Variants in PTPRT observed in about 807,000 individuals in gnomAD.
PTPRT encodes the protein protein tyrosine phosphatase receptor type T.
PTPRT carries 56 observed loss-of-function variants against 176.8 expected under a neutral mutation model. The ratio of observed to expected loss-of-function variants is 0.32; its 90% CI spans 0.26 to 0.40. The LOEUF (loss-of-function observed/expected upper bound fraction) is 0.40, where lower values mean the gene tolerates loss of function less well. PTPRT is among the 10% of genes least tolerant of loss of function. PTPRT has a pLI of 1.00. For synonymous variants in PTPRT, 783 were observed against 739.0 expected, an observed-to-expected ratio of 1.06 and a Z score of -0.96; for missense variants, 1,540 against 1,908.2, an observed-to-expected ratio of 0.81 and a Z score of 3.60.
intron 17 of PTPRT, among the ~76,000 whole-genome samples, chr20:42,154,873 G>T (rs560544342): frequency 1.3e-5 from 2 of 152,164 alleles, no homozygotes; most frequent in African/African-American, 4.8e-5. Flanking sequence ...GGGGAAGCAG[G>T]CTGGGGAGGA....
At chr20:42,963,706 G>C (rs201221069) in intron 1 of PTPRT, among the ~76,000 whole-genome samples, 1 of 151,900 alleles carries the variant, frequency 6.6e-6, no homozygotes, top group East Asian at 1.9e-4. Context: ...CTTATATAAG[G>C]GTAGGTCAAA....
chr20:43,020,527 C>A (rs1368008773), intron 1 of PTPRT, among the ~76,000 whole-genome samples: 3 of 151,912 alleles, frequency 2.0e-5, no homozygotes, highest in East Asian at 1.9e-4. Flanking sequence ...TAAGAATATT[C>A]CCATAATTAA....
chr20:42,476,073 GAAA>G (rs2071283588), intron 7 of PTPRT, among the ~76,000 whole-genome samples: 1 of 152,138 alleles, frequency 6.6e-6, no homozygotes, highest in Middle Eastern at 3.2e-3. Context: ...CTATAAAGTG[GAAA>G]TTATTACACT....
At chr20:42,036,155 C>T in the PTPRT span, among the ~76,000 whole-genome samples, 1 of 152,150 alleles carries the variant, frequency 6.6e-6, no homozygotes. Context: ...ACTCCCATCC[C>T]TCAGTAATTG....
intron 7 of PTPRT, among the ~76,000 whole-genome samples, chr20:42,554,088 C>CA (rs1030905342): frequency 2.6e-5 from 4 of 151,196 alleles, no homozygotes; most frequent in African/African-American, 7.3e-5. Flanking sequence ...ATTTTCAGAC[C>CA]AAAAAAAACG....
At chr20:42,738,985 C>T (rs1445372309) in intron 6 of PTPRT, among the ~76,000 whole-genome samples, 11 of 152,048 alleles carry the variant, frequency 7.2e-5, no homozygotes. Flanking sequence ...GGGAGGATCG[C>T]TGAGCCTGGG....
intron 1 of PTPRT, among the ~76,000 whole-genome samples, chr20:42,962,520 T>C (rs1057474469): frequency 1.3e-5 from 2 of 152,110 alleles, no homozygotes; most frequent in Non-Finnish European, 2.9e-5. Context: ...CTGAATAACA[T>C]TTTTCCAAGC....
chr20:42,104,989 C>G (rs1396532681), intron 24 of PTPRT, among the ~76,000 whole-genome samples: 1 of 152,172 alleles, frequency 6.6e-6, no homozygotes, highest in African/African-American at 2.4e-5. Flanking sequence ...AGCAGGCGCT[C>G]TTGGTGTCCA....
chr20:42,440,668 G>A (rs147824195), intron 9 of PTPRT, among the ~76,000 whole-genome samples: 4,406 of 151,938 alleles, frequency 0.029, 188 homozygotes, highest in African/African-American at 0.091. Flanking sequence ...TAGTAGAGAC[G>A]GGGTTTCACC....
chr20:42,350,235 T>TGTTTTTTG lies in PTPRT; in HGVS notation c.1865+392_1865+393insCAAAAAAC, dbSNP rs1568799613. ...TCTTGTTTTTTTTTTTTTTTTTTTT[T>TGTTTTTTG]TTTTTTTTTTTGAGACAGGGTCTCA... On this transcript the variant is annotated intron_variant, in intron 11 of 30. Transcript: ENST00000373187. Among the ~76,000 whole-genome samples the TGTTTTTTG allele has an allele frequency of 1.6e-3, 230 of 145,406 alleles. 1 individual carries two copies. Among genetic ancestry groups the TGTTTTTTG allele is most frequent in the African/African-American group, 5.6e-3 (219 of 39,288 alleles).
At chr20:42,190,397 G>T (rs963689669) in intron 16 of PTPRT, among the ~76,000 whole-genome samples, 1 of 152,064 alleles carries the variant, frequency 6.6e-6, no homozygotes, top group African/African-American at 2.4e-5. Flanking sequence ...AACTATTAAT[G>T]GGCTTTAGCA....
chr20:42,484,209 T>C lies in PTPRT; in HGVS notation c.1154-11647A>G, dbSNP rs139853682. On this transcript the variant is annotated intron_variant, in intron 7 of 30. Coordinates refer to ENST00000373187, the MANE Select transcript of PTPRT (RefSeq NM_007050.6). Reference sequence around the variant, plus strand: ...CAGTGCCCTTGGTGTTTTGGTAATTTTTTTTTCCCACAGATCCTAAGCCAA... The same window carrying C: ...CAGTGCCCTTGGTGTTTTGGTAATTCTTTTTTCCCACAGATCCTAAGCCAA... 7.1e-4 allele frequency among the ~76,000 whole-genome samples: 108 copies of C among 152,340 alleles called. 1 individual carries two copies. Among genetic ancestry groups the C allele is most frequent in the African/African-American group, 2.4e-3 (99 of 41,580 alleles).
chr20:42,264,410 T>C (rs1031064218), intron 13 of PTPRT, among the ~76,000 whole-genome samples: 3 of 152,196 alleles, frequency 2.0e-5, no homozygotes, highest in Non-Finnish European at 4.4e-5. Flanking sequence ...TTAAGGACAG[T>C]ATCCTAATGC....
At chr20:42,894,784 T>G (rs1286045705) in intron 1 of PTPRT, among the ~76,000 whole-genome samples, 1 of 152,204 alleles carries the variant, frequency 6.6e-6, no homozygotes, top group African/African-American at 2.4e-5. Flanking sequence ...AGGATGCCAA[T>G]CTGCACTTCT....
intron 1 of PTPRT, among the ~76,000 whole-genome samples, chr20:43,129,343 G>A (rs1294883052): frequency 3.3e-5 from 5 of 152,158 alleles, no homozygotes; most frequent in Non-Finnish European, 7.4e-5. Flanking sequence ...GACAAGAGTC[G>A]AATTGACAGG....
At chr20:42,961,150 TA>T (rs1350328115) in intron 1 of PTPRT, among the ~76,000 whole-genome samples, 1 of 151,986 alleles carries the variant, frequency 6.6e-6, no homozygotes, top group East Asian at 1.9e-4. Context: ...GTAATTAAAA[TA>T]AAGAAAAGCC....
intron 4 of PTPRT, among the ~76,000 whole-genome samples, chr20:42,777,906 C>T (rs1030782637): frequency 2.6e-5 from 4 of 152,202 alleles, no homozygotes; most frequent in African/African-American, 4.8e-5. Context: ...GTCTTCACAT[C>T]ATGCTTTCTG....
chr20:43,125,259 CA>C (rs2013399430), intron 1 of PTPRT, among the ~76,000 whole-genome samples: 7 of 152,080 alleles, frequency 4.6e-5, no homozygotes, highest in Admixed American at 4.6e-4. Context: ...CTCGGCCTCC[CA>C]AAGTGCTGGG....
chr20:42,733,004 G>C (rs1255206875), intron 6 of PTPRT, among the ~76,000 whole-genome samples: 1 of 152,142 alleles, frequency 6.6e-6, no homozygotes, highest in Non-Finnish European at 1.5e-5. Context: ...GAATAAATGG[G>C]AACACTGATA....
Sources: allele counts gnomAD v4.1 joint callset (sites outside exome capture counted in the v4.1 genomes callset), GRCh38; gene constraint gnomAD v4.1.1; transcripts MANE v1.5; gene names NCBI Gene and HGNC (gene_info 2026-07-23, HGNC 2026-07-21).